Variants in PEBP4 observed in about 807,000 individuals in gnomAD.
PEBP4 encodes phosphatidylethanolamine-binding protein 4.
A neutral mutation model predicts 23.9 loss-of-function variants in PEBP4; 22 were observed. That is an observed-to-expected ratio of 0.92 (90% confidence interval 0.66 to 1.31). The LOEUF is 1.31. Among genes scored for constraint, PEBP4 ranks in the 40% most tolerant of loss-of-function variants. The pLI is 0.00. For synonymous variants in PEBP4, 112 were observed against 99.3 expected, an observed-to-expected ratio of 1.13 and a Z score of -0.76; for missense variants, 324 against 281.7, an observed-to-expected ratio of 1.15 and a Z score of -1.07.
Position 22,808,276 on chromosome 8 carries a change from C to T in PEBP4, c.357+9361G>A, listed in dbSNP as rs541155656. Among the ~76,000 whole-genome samples, 3 of 152,286 alleles carry T rather than the reference C, an allele frequency of 2.0e-5. No individual in the cohort carries two copies. In the East Asian group the frequency reaches 5.8e-4, roughly 29 times the overall value. ...CCCTCCATCTATCTATTCATCCATC[C>T]ATCCACCAACCACCCACCTATTCAA... On this transcript the variant is annotated intron_variant, in intron 4 of 6. Coordinates refer to ENST00000256404, the MANE Select transcript of PEBP4 (RefSeq NM_144962.3).
intron 3 of PEBP4, among the ~76,000 whole-genome samples, chr8:22,821,909 C>T (rs1205257413): frequency 6.8e-6 from 1 of 146,232 alleles, no homozygotes; most frequent in East Asian, 2.1e-4. Flanking sequence ...GGTGTGAACT[C>T]GGGAGGTGGA....
chr8:22,836,893 A>T (rs1411153997), intron 3 of PEBP4, among the ~76,000 whole-genome samples: 2 of 152,224 alleles, frequency 1.3e-5, no homozygotes, highest in Admixed American at 1.3e-4. Context: ...GAAAGAAAAA[A>T]AAAAAGAGCT....
At chr8:22,884,536 T>C (rs764692412) in intron 3 of PEBP4, 2 of 152,138 alleles carry the variant, frequency 1.3e-5, no homozygotes, top group Non-Finnish European at 2.9e-5. Flanking sequence ...GGAGAGTTAA[T>C]CAGGGAAGAG....
At chr8:22,727,912 C>T (rs1175583040) in intron 4 of PEBP4, among the ~76,000 whole-genome samples, 1 of 152,016 alleles carries the variant, frequency 6.6e-6, no homozygotes, top group African/African-American at 2.4e-5. Flanking sequence ...GAGGTGACCC[C>T]GGGGGTGGGT....
At chr8:22,773,345 C>T (rs1261874076) in intron 4 of PEBP4, among the ~76,000 whole-genome samples, 1 of 152,170 alleles carries the variant, frequency 6.6e-6, no homozygotes, top group Non-Finnish European at 1.5e-5. Flanking sequence ...GAGGGAGACA[C>T]AGGGGACAGT....
intron 3 of PEBP4, among the ~76,000 whole-genome samples, chr8:22,890,986 A>G (rs1007966355): frequency 3.3e-5 from 5 of 152,134 alleles, no homozygotes; most frequent in Non-Finnish European, 5.9e-5. Flanking sequence ...GCACCACCAC[A>G]TCCGACTAAT....
chr8:22,894,939 C>T (rs537828374), intron 3 of PEBP4, among the ~76,000 whole-genome samples: 7 of 152,130 alleles, frequency 4.6e-5, no homozygotes, highest in Non-Finnish European at 1.0e-4. Context: ...TCCCTGAGGT[C>T]GACACTTACC....
At chr8:22,753,207 A>G (rs558169830) in intron 4 of PEBP4, among the ~76,000 whole-genome samples, 1 of 152,204 alleles carries the variant, frequency 6.6e-6, no homozygotes, top group African/African-American at 2.4e-5. Flanking sequence ...AGGAGTGTTC[A>G]TTCCATGGGA....
rs74351053 is a variant in PEBP4 at position 22,898,419 on chromosome 8, A to C, written c.258+21765T>G. Among the ~76,000 whole-genome samples, 55 of 145,416 alleles carry C rather than the reference A, an allele frequency of 3.8e-4. 2 individuals carry two copies. Among genetic ancestry groups the C allele is most frequent in the East Asian group, 9.9e-4 (5 of 5,060 alleles). On this transcript the variant is annotated intron_variant, in intron 3 of 6. Transcript: ENST00000256404. Reference sequence around the variant, plus strand: ...AAAAAAAAAAAAAAAAAAAAAAAAAAAAAAAAAAAAAACCCACCCAGTCTA... The same window carrying C: ...AAAAAAAAAAAAAAAAAAAAAAAAACAAAAAAAAAAAACCCACCCAGTCTA...
chr8:22,868,998 C>T (rs1296349978), intron 3 of PEBP4, among the ~76,000 whole-genome samples: 2 of 152,176 alleles, frequency 1.3e-5, no homozygotes, highest in South Asian at 2.1e-4. Flanking sequence ...GCAGATACCA[C>T]CCCAAAATCA....
intron 4 of PEBP4, among the ~76,000 whole-genome samples, chr8:22,739,316 A>G (rs1804940172): frequency 6.6e-6 from 1 of 152,186 alleles, no homozygotes. Context: ...GATGCAGTTA[A>G]TCCCTAAGAC....
intron 3 of PEBP4, among the ~76,000 whole-genome samples, chr8:22,840,165 C>T (rs751631729): frequency 6.6e-6 from 1 of 152,106 alleles, no homozygotes; most frequent in African/African-American, 2.4e-5. Flanking sequence ...ACCGTGATCA[C>T]AGTGTAAAAC....
intron 3 of PEBP4, among the ~76,000 whole-genome samples, chr8:22,904,312 G>A (rs1808767284): frequency 6.6e-6 from 1 of 152,194 alleles, no homozygotes; most frequent in Non-Finnish European, 1.5e-5. Flanking sequence ...CTTGGCTGGA[G>A]GCAGAGTCCC....
intron 3 of PEBP4, among the ~76,000 whole-genome samples, chr8:22,915,961 C>T (rs1467874360): frequency 6.6e-6 from 1 of 152,166 alleles, no homozygotes; most frequent in African/African-American, 2.4e-5. Context: ...CTTGTGTCTC[C>T]ACCATGGGCC....
At chr8:22,816,257 A>G (rs1201909910) in intron 4 of PEBP4, among the ~76,000 whole-genome samples, 1 of 152,216 alleles carries the variant, frequency 6.6e-6, no homozygotes, top group Non-Finnish European at 1.5e-5. Context: ...AGCACTGCCC[A>G]CGAAGCTGCT....
intron 4 of PEBP4, among the ~76,000 whole-genome samples, chr8:22,794,341 G>A (rs987771905): frequency 7.9e-5 from 12 of 151,848 alleles, no homozygotes; most frequent in African/African-American, 2.9e-4. Context: ...GCCCAAGTTG[G>A]AATGCAGTAG....
chr8:22,920,524 T>C (rs117431119), intron 2 of PEBP4, among the ~76,000 whole-genome samples: 293 of 152,288 alleles, frequency 1.9e-3, no homozygotes, highest in Non-Finnish European at 3.5e-3. Flanking sequence ...TCCTCCCTCA[T>C]GGAGTCAGTG....
chr8:22,902,985 A>T (rs1312382371), intron 3 of PEBP4, among the ~76,000 whole-genome samples: 1 of 152,126 alleles, frequency 6.6e-6, no homozygotes, highest in African/African-American at 2.4e-5. Context: ...CTTTCTCATT[A>T]CACCGTAGGG....
At chr8:22,719,591 G>A (rs1200908211) in intron 6 of PEBP4, among the ~76,000 whole-genome samples, 5 of 152,236 alleles carry the variant, frequency 3.3e-5, no homozygotes, top group African/African-American at 1.2e-4. Flanking sequence ...TGGGTCAGGA[G>A]AGCGGGGATG....
Sources: gnomAD v4.1 joint callset for allele counts (sites outside exome capture counted in the v4.1 genomes callset) on GRCh38, gnomAD v4.1.1 for gene constraint, MANE v1.5 for transcripts, NCBI Gene and HGNC (gene_info 2026-07-23, HGNC 2026-07-21) for gene names.